Variants in KSR2 observed in about 807,000 individuals in gnomAD.
KSR2 encodes kinase suppressor of ras 2.
In KSR2, 25 loss-of-function variants were observed where a neutral mutation model predicts 107.8. The ratio of observed to expected loss-of-function variants is 0.23; its 90% CI spans 0.17 to 0.32. The LOEUF (loss-of-function observed/expected upper bound fraction) is 0.32. Ranked by LOEUF, KSR2 falls within the 10% of genes least tolerant of loss-of-function variation. KSR2 has a pLI of 1.00. For synonymous variants in KSR2, 480 were observed against 507.0 expected (o/e 0.95, Z 0.71); for missense variants, 887 against 1,268.9 (o/e 0.70, Z 4.57).
intron 14 of KSR2, among the ~76,000 whole-genome samples, chr12:117,490,820 TA>T (rs1374157697): frequency 6.6e-6 from 1 of 152,246 alleles, no homozygotes; most frequent in African/African-American, 2.4e-5. Context: ...ATTTAACGTG[TA>T]AAAATTGTAC....
chr12:117,761,993 A>G (rs1889053558), intron 3 of KSR2, among the ~76,000 whole-genome samples: 1 of 152,204 alleles, frequency 6.6e-6, no homozygotes, highest in South Asian at 2.1e-4. Flanking sequence ...AAGTACATTT[A>G]CATAAAGCCA....
chr12:117,941,350 A>AG lies in KSR2; in HGVS notation c.180+26725_180+26726insC, dbSNP rs1344784935. Among the ~76,000 whole-genome samples, 5 of 150,494 alleles carry AG rather than the reference A, an allele frequency of 3.3e-5. No homozygotes were observed. In the East Asian group the frequency reaches 9.8e-4, roughly 30 times the overall value. ...AAGCAGCCTCATCCATAAAACTCAC[A>AG]CCTCTTTCTGATGCCATTTGGGGAA... On this transcript the variant is annotated intron_variant, in intron 1 of 19. Coordinates refer to ENST00000339824, the MANE Select transcript of KSR2 (RefSeq NM_173598.6).
chr12:117,622,565 C>T (rs1055126924), intron 5 of KSR2, among the ~76,000 whole-genome samples: 2 of 152,002 alleles, frequency 1.3e-5, no homozygotes, highest in African/African-American at 4.8e-5. Context: ...ATGTTAACAC[C>T]TTCCACTGAC....
chr12:117,481,611 G>C (rs1398184706), intron 16 of KSR2, among the ~76,000 whole-genome samples: 1 of 152,206 alleles, frequency 6.6e-6, no homozygotes, highest in African/African-American at 2.4e-5. Context: ...AAACCCCTGA[G>C]TCTGGTATTG....
rs577100316 is a variant in KSR2, at chr12:117,907,895, G to A, written c.181-47464C>T. Among the ~76,000 whole-genome samples the A allele has an allele frequency of 4.0e-5, 6 of 151,836 alleles. No individual in the cohort carries two copies. The highest frequency in any genetic ancestry group is 9.7e-5 in the African/African-American group (4 of 41,392). On this transcript the variant is annotated intron_variant, in intron 1 of 19. Coordinates refer to ENST00000339824, the MANE Select transcript of KSR2 (RefSeq NM_173598.6). This position sits in a 1 kb window ranked among gnomAD's most constrained non-coding sequence, Gnocchi z 4.3. ...AAAAGGTATTCAAAATAATCACACT[G>A]CTTGTCTTATAGAGAGAAAAAAATC...
rs1566017259 is a variant in KSR2 at position 117,793,118 on chromosome 12, AAACATG to A, written c.473-31600_473-31595del. On this transcript the variant is annotated intron_variant, in intron 3 of 19. Coordinates refer to ENST00000339824, the MANE Select transcript of KSR2 (RefSeq NM_173598.6). Reference sequence around the variant, plus strand: ...TGCACACTCACACCAACGTGCACACAAACATGCACACACACACTAACATGCATATAC... The same window carrying A: ...TGCACACTCACACCAACGTGCACACACACACACACACTAACATGCATATAC... Among the ~76,000 whole-genome samples the A allele has an allele frequency of 6.9e-3, 1,005 of 144,652 alleles. 31 individuals carry two copies. The highest frequency in any genetic ancestry group is 0.025 in the African/African-American group (947 of 37,896). The allele number at this position is 144,652 out of a possible 152,430, so 94.9% of individuals were successfully genotyped here.
intron 12 of KSR2, among the ~76,000 whole-genome samples, chr12:117,529,776 A>G (rs571137695): frequency 6.6e-5 from 10 of 151,954 alleles, no homozygotes; most frequent in African/African-American, 2.4e-4. Flanking sequence ...GCTGAGGTGG[A>G]ATGATCACTT....
chr12:117,580,670 CCCA>C (rs1879595151), intron 6 of KSR2, among the ~76,000 whole-genome samples: 3 of 152,236 alleles, frequency 2.0e-5, no homozygotes, highest in African/African-American at 7.2e-5. Flanking sequence ...AGCAGGTCAT[CCCA>C]AGTCTCAGCT....
intron 1 of KSR2, among the ~76,000 whole-genome samples, chr12:117,953,186 A>G (rs571805644): frequency 6.6e-6 from 1 of 152,266 alleles, no homozygotes; most frequent in South Asian, 2.1e-4. Flanking sequence ...AAAATGAAAA[A>G]TAACAAAAGT....
rs140337674 is a variant in KSR2, at chr12:117,495,374, T to C, written c.2220-9683A>G. On this transcript the variant is annotated intron_variant, in intron 14 of 19. Coordinates refer to ENST00000339824, the MANE Select transcript of KSR2 (RefSeq NM_173598.6). ...ACCTTGGGACTCTGGGGCTTTATAA[T>C]AAAAAATGCCAGGTTAGCTTCCTAT... is the stretch of plus-strand genomic sequence containing the variant. Among the ~76,000 whole-genome samples the C allele has an allele frequency of 1.2e-4, 19 of 152,260 alleles. No individual in the cohort carries two copies. In the East Asian group the frequency reaches 3.1e-3, roughly 25 times the overall value.
At chr12:117,828,348 T>C (rs150722487) in intron 3 of KSR2, among the ~76,000 whole-genome samples, 26 of 152,330 alleles carry the variant, frequency 1.7e-4, no homozygotes, top group Admixed American at 3.9e-4. Flanking sequence ...TGTTATGTAA[T>C]ATCCAGAACA....
intron 3 of KSR2, among the ~76,000 whole-genome samples, chr12:117,833,048 G>T (rs371805861): frequency 6.6e-6 from 1 of 152,120 alleles, no homozygotes; most frequent in Non-Finnish European, 1.5e-5. Context: ...TGGTGGAGGC[G>T]GGAAGGTGGG....
chr12:117,722,477 C>G (rs1446209152), intron 4 of KSR2, among the ~76,000 whole-genome samples: 2 of 152,186 alleles, frequency 1.3e-5, no homozygotes, highest in African/African-American at 4.8e-5. Context: ...ATGCAGTAAA[C>G]AAGTTGGCCA....
At chr12:117,616,866 C>T (rs1211344598) in intron 5 of KSR2, among the ~76,000 whole-genome samples, 1 of 152,168 alleles carries the variant, frequency 6.6e-6, no homozygotes, top group Non-Finnish European at 1.5e-5. Flanking sequence ...CTCCATGATT[C>T]ATCTTTTTAT....
chr12:117,753,209 GT>G (rs1182745826), intron 4 of KSR2, among the ~76,000 whole-genome samples: 1 of 152,156 alleles, frequency 6.6e-6, no homozygotes, highest in Non-Finnish European at 1.5e-5. Flanking sequence ...CTTTGGGAAC[GT>G]TTTTAGATTT....
chr12:117,895,678 C>T (rs116225453), intron 1 of KSR2, among the ~76,000 whole-genome samples: 3 of 152,062 alleles, frequency 2.0e-5, no homozygotes, highest in Non-Finnish European at 2.9e-5. Context: ...TTAGCAGTTC[C>T]CCAAATGTTA....
chr12:117,528,811 GCT>G (rs1875406223), intron 12 of KSR2, among the ~76,000 whole-genome samples: 1 of 152,182 alleles, frequency 6.6e-6, no homozygotes, highest in African/African-American at 2.4e-5. Context: ...AGCAGCCAGG[GCT>G]ATTCAAGTAT....
At chr12:117,877,722 C>T (rs960185656) in intron 1 of KSR2, among the ~76,000 whole-genome samples, 8 of 152,166 alleles carry the variant, frequency 5.3e-5, no homozygotes, top group African/African-American at 1.9e-4. Context: ...TGCCCCCAAG[C>T]CTGTCCCCTT....
chr12:117,588,270 G>C (rs1226292496), intron 5 of KSR2, among the ~76,000 whole-genome samples: 1 of 152,184 alleles, frequency 6.6e-6, no homozygotes, highest in Non-Finnish European at 1.5e-5. Context: ...CTGTGGCATA[G>C]ACTGATCTTA....
Sources: gnomAD v4.1 joint callset for allele counts (sites outside exome capture counted in the v4.1 genomes callset) on GRCh38, gnomAD v4.1.1 for gene constraint, Gnocchi (gnomAD v3.1) non-coding constraint, MANE v1.5 for transcripts, NCBI Gene and HGNC (gene_info 2026-07-23, HGNC 2026-07-21) for gene names.